Variants in CBL observed in about 807,000 individuals in gnomAD.
CBL encodes the protein Cbl proto-oncogene, also known as E3 ubiquitin-protein ligase CBL.
In CBL, 45 loss-of-function variants were observed where a neutral mutation model predicts 96.9. The observed-to-expected ratio is 0.46, with a 90% CI of 0.37 to 0.60. CBL has a LOEUF of 0.60. Ranked by LOEUF, CBL falls within the 20% of genes least tolerant of loss-of-function variation. The probability of loss-of-function intolerance (pLI) is 0.00; values close to 1 mark genes in which losing one functional copy is unlikely to be tolerated. For synonymous variants in CBL, 420 were observed against 426.8 expected, an observed-to-expected ratio of 0.98 and a Z score of 0.20; for missense variants, 1,024 against 1,143.5, an observed-to-expected ratio of 0.90 and a Z score of 1.51.
In CBL at chr11:119,279,834, A is replaced by T. The variant is rs1201500813; in HGVS notation, c.1431+1121A>T. On this transcript the variant is annotated intron_variant, in intron 9 of 15. Coordinates refer to ENST00000264033, the MANE Select transcript of CBL (RefSeq NM_005188.4). ...TTTGAATTTTTTACAATTAATGCATATTACTTTTTCAAAGTGTTTGTTGTG... is the reference window on the plus strand; with the variant it reads ...TTTGAATTTTTTACAATTAATGCATTTTACTTTTTCAAAGTGTTTGTTGTG... Among the ~76,000 whole-genome samples, 4 of 152,238 alleles carry T rather than the reference A, an allele frequency of 2.6e-5. No individual in the cohort carries two copies. In the South Asian group the frequency reaches 8.3e-4, roughly 31 times the overall value.
Position 119,285,536 on chromosome 11 carries a change from C to T in CBL, c.1911C>T (p.Leu637=), listed in dbSNP as rs552760421. 40 of 1,614,056 alleles carry T rather than the reference C, an allele frequency of 2.5e-5. No homozygotes were observed. Among genetic ancestry groups the T allele is most frequent in the African/African-American group, 1.3e-4 (10 of 75,038 alleles). Residue 637 remains leucine (L), a synonymous_variant, in exon 11 of 16, where the codon CTC becomes CTT. Transcript: ENST00000264033. ...QMEPRPDVPR[L]GSTFSLDTSM... The stretch of plus-strand genomic sequence containing the variant: ...AGCCCAGACCAGATGTGCCTAGGCT[C>T]GGAAGCACGTTCAGTCTGGATACCT...
intron 1 of CBL, among the ~76,000 whole-genome samples, chr11:119,231,765 AG>A (rs1202882706): frequency 6.6e-6 from 1 of 152,036 alleles, no homozygotes; most frequent in African/African-American, 2.4e-5. Context: ...TTTACCTCCC[AG>A]GGCAGTCATG....
intron 1 of CBL, among the ~76,000 whole-genome samples, chr11:119,211,419 A>T (rs1169283676): frequency 1.3e-5 from 2 of 152,176 alleles, no homozygotes; most frequent in Admixed American, 6.6e-5. Context: ...CAGGTAATGG[A>T]AACCTCAGAT....
At chr11:119,270,239 ATCT>A (rs1214198247) in intron 2 of CBL, among the ~76,000 whole-genome samples, 1 of 140,854 alleles carries the variant, frequency 7.1e-6, no homozygotes, top group Non-Finnish European at 1.5e-5. Flanking sequence ...ACTGTGTGAC[ATCT>A]TTTTTTTTTT....
intron 2 of CBL, among the ~76,000 whole-genome samples, chr11:119,256,469 C>G (rs953532645): frequency 1.4e-4 from 21 of 152,134 alleles, no homozygotes; most frequent in African/African-American, 4.8e-4. Context: ...GTGTGAGCCA[C>G]CATGCCTGAC....
chr11:119,226,282 A>G (rs1178307536), intron 1 of CBL, among the ~76,000 whole-genome samples: 3 of 152,174 alleles, frequency 2.0e-5, no homozygotes, highest in African/African-American at 7.2e-5. Flanking sequence ...TGTCTTTAGT[A>G]GGTAATTCTT....
At chr11:119,258,201 C>T (rs1949725374) in intron 2 of CBL, among the ~76,000 whole-genome samples, 1 of 152,128 alleles carries the variant, frequency 6.6e-6, no homozygotes, top group African/African-American at 2.4e-5. Flanking sequence ...GCACTCCAGC[C>T]TGGGCGACAA....
intron 2 of CBL, among the ~76,000 whole-genome samples, chr11:119,258,138 G>C (rs1198157478): frequency 6.6e-6 from 1 of 152,184 alleles, no homozygotes; most frequent in East Asian, 1.9e-4. Flanking sequence ...TGAGGCAGGA[G>C]AATCGCTTGA....
Position 119,283,625 on chromosome 11 carries a change from C to CTTTTTTTTTTTTTT in CBL, c.1432-1327_1432-1314dup, listed in dbSNP as rs398017760. Among the ~76,000 whole-genome samples, 63 of 45,532 alleles carry CTTTTTTTTTTTTTT rather than the reference C, an allele frequency of 1.4e-3. 7 individuals carry two copies. Among genetic ancestry groups the CTTTTTTTTTTTTTT allele is most frequent in the Non-Finnish European group, 1.6e-3 (40 of 24,534 alleles). 29.9% of individuals were successfully genotyped at this position (45,532 alleles called of 152,430 possible). On this transcript the variant is annotated intron_variant, in intron 9 of 15. Coordinates refer to ENST00000264033, the MANE Select transcript of CBL (RefSeq NM_005188.4). The stretch of plus-strand genomic sequence containing the variant: ...AAATATTAATCCTTTTTAATTCTTT[C>CTTTTTTTTTTTTTT]TTTTTTTTTTTTTTTTTTTTTTTTT...
chr11:119,209,008 C>G (rs1949296700), intron 1 of CBL, among the ~76,000 whole-genome samples: 4 of 151,920 alleles, frequency 2.6e-5, no homozygotes, highest in Admixed American at 2.6e-4. Flanking sequence ...TATTACTTGC[C>G]TCGGAAGTTG....
chr11:119,286,347 T>C (rs965466472), intron 11 of CBL, among the ~76,000 whole-genome samples: 2 of 152,142 alleles, frequency 1.3e-5, no homozygotes, highest in Admixed American at 6.5e-5. Flanking sequence ...AGTTTGTAAA[T>C]ATTGCAGTAA....
intron 2 of CBL, among the ~76,000 whole-genome samples, chr11:119,256,606 T>A (rs926410927): frequency 1.3e-5 from 2 of 152,270 alleles, no homozygotes; most frequent in South Asian, 2.1e-4. Context: ...TTTGATTATA[T>A]GAATGAATTA....
intron 1 of CBL, among the ~76,000 whole-genome samples, chr11:119,213,725 G>A (rs1949336077): frequency 6.6e-6 from 1 of 152,080 alleles, no homozygotes; most frequent in African/African-American, 2.4e-5. Flanking sequence ...TTTTACTTAA[G>A]AGACAGAGTC....
intron 2 of CBL, among the ~76,000 whole-genome samples, chr11:119,233,721 A>AT (rs1949522050): frequency 6.6e-6 from 1 of 152,194 alleles, no homozygotes; most frequent in Non-Finnish European, 1.5e-5. Context: ...TTCCACTAGA[A>AT]TTTTTTAGTG....
At chr11:119,269,954 G>A (rs1307070508) in intron 2 of CBL, among the ~76,000 whole-genome samples, 2 of 152,080 alleles carry the variant, frequency 1.3e-5, no homozygotes, top group South Asian at 2.1e-4. Context: ...CCGAGATCGC[G>A]CCACTGCACT....
chr11:119,216,612 C>T (rs1328438050), intron 1 of CBL, among the ~76,000 whole-genome samples: 4 of 151,982 alleles, frequency 2.6e-5, no homozygotes, highest in East Asian at 1.9e-4. Flanking sequence ...CCTTGTGATC[C>T]GCCTGCCTCG....
chr11:119,250,645 T>C (rs1382668382), intron 2 of CBL, among the ~76,000 whole-genome samples: 1 of 152,184 alleles, frequency 6.6e-6, no homozygotes, highest in Admixed American at 6.6e-5. Context: ...CGCTATTGCC[T>C]GGTGTCCAGT....
rs772729510 is a variant in CBL at position 119,258,266 on chromosome 11, CTG to C, written c.444-13467_444-13466del. ...AAACAAAAAACAAAAAGACTTGAGA[CTG>C]TAATTTTTAAAGAAAGAGATTTAAG... On this transcript the variant is annotated intron_variant, in intron 2 of 15. Coordinates refer to ENST00000264033, the MANE Select transcript of CBL (RefSeq NM_005188.4). Among the ~76,000 whole-genome samples the C allele has an allele frequency of 5.9e-5, 9 of 152,154 alleles. No individual in the cohort carries two copies. The East Asian group carries it at 7.7e-4, about 13-fold the overall frequency.
At chr11:119,222,892 G>A (rs1207221182) in intron 1 of CBL, among the ~76,000 whole-genome samples, 2 of 152,114 alleles carry the variant, frequency 1.3e-5, no homozygotes, top group Non-Finnish European at 2.9e-5. Context: ...CAAGAGCATG[G>A]CCAGGCGTGG....
Sources: gnomAD v4.1 joint callset for allele counts (sites outside exome capture counted in the v4.1 genomes callset) on GRCh38, gnomAD v4.1.1 for gene constraint, MANE v1.5 for transcripts, NCBI Gene and HGNC (gene_info 2026-07-23, HGNC 2026-07-21) for gene names.